The following MYO1E variants were observed in gnomAD, a reference collection of about 807,000 sequenced individuals.
MYO1E encodes the protein myosin IE.
MYO1E carries 68 observed loss-of-function variants against 151.1 expected under a neutral mutation model. The ratio of observed to expected loss-of-function variants is 0.45; its 90% CI spans 0.37 to 0.55. The LOEUF is 0.55. Ranked by LOEUF, MYO1E falls within the 20% of genes least tolerant of loss-of-function variation. MYO1E has a pLI of 0.00. For synonymous variants in MYO1E, 601 were observed against 501.7 expected (o/e 1.20, Z -2.64); for missense variants, 1,363 against 1,389.3 (o/e 0.98, Z 0.30).
intron 1 of MYO1E, among the ~76,000 whole-genome samples, chr15:59,359,417 A>T (rs1767835261): frequency 6.6e-6 from 1 of 151,002 alleles, no homozygotes; most frequent in South Asian, 2.1e-4. Flanking sequence ...TGAGCCTAGG[A>T]GGTTGAGGCT....
rs760743485 is a variant in MYO1E at position 59,223,048 on chromosome 15, G to A, written c.910+11C>T. 2 of 1,613,816 alleles carry A rather than the reference G, an allele frequency of 1.2e-6. No homozygotes were observed. The highest frequency in any genetic ancestry group is 1.7e-6 in the Non-Finnish European group (2 of 1,180,014). ...CCCCTCATTCAATGGCCACATGCCA[G>A]GGCTACGCACACTCTTCACTCTCCA... On this transcript the variant is annotated intron_variant, in intron 9 of 27. Transcript: ENST00000288235.
At chr15:59,237,960 C>G (rs1205410518) in intron 4 of MYO1E, among the ~76,000 whole-genome samples, 3 of 152,324 alleles carry the variant, frequency 2.0e-5, no homozygotes, top group African/African-American at 7.2e-5. Flanking sequence ...GAACCATCCT[C>G]TGTTCAGAGC....
chr15:59,180,074 C>G (rs1596354432), intron 18 of MYO1E, among the ~76,000 whole-genome samples: 1 of 152,320 alleles, frequency 6.6e-6, no homozygotes, highest in Admixed American at 6.5e-5. Flanking sequence ...ATTTTAGGAG[C>G]CTTCTCTGCT....
intron 18 of MYO1E, among the ~76,000 whole-genome samples, chr15:59,185,759 T>A (rs763361430): frequency 6.6e-6 from 1 of 152,144 alleles, no homozygotes; most frequent in African/African-American, 2.4e-5. Context: ...AAGCCAAAGT[T>A]CCTCAACTGA....
At position 59,359,331 on chromosome 15, in the gene MYO1E, T is replaced by A. The variant is rs1372657338; in HGVS notation, c.3+13167A>T. 6.2e-3 allele frequency among the ~76,000 whole-genome samples: 915 copies of A among 147,184 alleles called. 13 individuals are homozygous for A. Among genetic ancestry groups the A allele is most frequent in the African/African-American group, 0.021 (846 of 40,336 alleles). ...TATATATAATATATATATATATTTT[T>A]TTTTTTAATTAGCTAGGCATGGCAG... On this transcript the variant is annotated intron_variant, in intron 1 of 27. Coordinates refer to ENST00000288235, the MANE Select transcript of MYO1E (RefSeq NM_004998.4).
At chr15:59,176,437 G>C (rs1401030193) in intron 19 of MYO1E, among the ~76,000 whole-genome samples, 1 of 137,350 alleles carries the variant, frequency 7.3e-6, no homozygotes, top group African/African-American at 2.7e-5. Context: ...CACATGGTAG[G>C]TTTTCTTTTT....
chr15:59,286,962 C>T (rs1596401379), intron 1 of MYO1E, among the ~76,000 whole-genome samples: 2 of 152,148 alleles, frequency 1.3e-5, no homozygotes, highest in African/African-American at 4.8e-5. Flanking sequence ...GCCACAAGAG[C>T]AGCCACTAAT....
At chr15:59,334,792 A>G (rs1596424714) in intron 1 of MYO1E, among the ~76,000 whole-genome samples, 2 of 152,234 alleles carry the variant, frequency 1.3e-5, no homozygotes, top group East Asian at 3.8e-4. Context: ...CAAAAACAGA[A>G]GGAAATCAGA....
rs1245627753 is a variant in MYO1E at position 59,344,122 on chromosome 15, A to G, written c.3+28376T>C. Among the ~76,000 whole-genome samples, 5 of 152,194 alleles carry G rather than the reference A, an allele frequency of 3.3e-5. 1 individual carries two copies. The highest frequency in any genetic ancestry group is 5.9e-5 in the Non-Finnish European group (4 of 68,038). On this transcript the variant is annotated intron_variant, in intron 1 of 27. Transcript: ENST00000288235. Reference sequence around the variant, plus strand: ...TTAAGAATTTATTGTAGGCTTCACAATCTGGAGTTGTTTGTACCCATCCTT... The same window carrying G: ...TTAAGAATTTATTGTAGGCTTCACAGTCTGGAGTTGTTTGTACCCATCCTT...
chr15:59,243,752 A>C lies in MYO1E; in HGVS notation c.333-7080T>G, dbSNP rs183538361. Among the ~76,000 whole-genome samples the C allele has an allele frequency of 1.2e-4, 18 of 152,268 alleles. No individual in the cohort carries two copies. The East Asian group carries it at 2.7e-3, about 23-fold the overall frequency. On this transcript the variant is annotated intron_variant, in intron 4 of 27. Coordinates refer to ENST00000288235, the MANE Select transcript of MYO1E (RefSeq NM_004998.4). ...AGCAAGCCTTCTGCCAACAACATTTATTACCTCACGCAGAGTTGGAACTAA... is the reference window on the plus strand; with the variant it reads ...AGCAAGCCTTCTGCCAACAACATTTCTTACCTCACGCAGAGTTGGAACTAA...
rs1177286563 is a variant in MYO1E at position 59,136,511 on chromosome 15, G to A, written c.*869C>T. ...GGAAAAAAGCAGAGCACATCTTTAA[G>A]TACCTGGTGTGAGTTTTGTAAGAAA... On this transcript the variant is annotated 3_prime_UTR_variant, in exon 28 of 28. Coordinates refer to ENST00000288235, the MANE Select transcript of MYO1E (RefSeq NM_004998.4). 3.1e-6 allele frequency: 1 copy of A among 317,506 alleles called. No individual in the cohort carries two copies. The allele number at this position is 317,506 out of a possible 1,614,324, so 19.7% of individuals were successfully genotyped here.
chr15:59,363,984 G>T (rs1241004771), intron 1 of MYO1E, among the ~76,000 whole-genome samples: 1 of 151,994 alleles, frequency 6.6e-6, no homozygotes, highest in Non-Finnish European at 1.5e-5. Flanking sequence ...TGACATGTTG[G>T]CCAGGCTGGT....
intron 4 of MYO1E, among the ~76,000 whole-genome samples, chr15:59,249,161 C>T (rs1033004846): frequency 6.6e-6 from 1 of 152,150 alleles, no homozygotes; most frequent in African/African-American, 2.4e-5. Flanking sequence ...CGGTGGCTCA[C>T]GCCTGTAATC....
At chr15:59,251,294 A>C (rs1381712742) in intron 4 of MYO1E, among the ~76,000 whole-genome samples, 1 of 152,218 alleles carries the variant, frequency 6.6e-6, no homozygotes, top group Non-Finnish European at 1.5e-5. Flanking sequence ...TGAAGGAATA[A>C]GTATAGTGAG....
At chr15:59,305,777 C>A (rs1306666956) in intron 1 of MYO1E, among the ~76,000 whole-genome samples, 1 of 152,184 alleles carries the variant, frequency 6.6e-6, no homozygotes, top group Non-Finnish European at 1.5e-5. Flanking sequence ...ATAAAAAATT[C>A]ATTCCCAGCC....
At chr15:59,343,297 C>CT (rs111977576) in intron 1 of MYO1E, among the ~76,000 whole-genome samples, 501 of 142,714 alleles carry the variant, frequency 3.5e-3, no homozygotes, top group Middle Eastern at 0.011. Context: ...AGAGTGAACT[C>CT]TTTTTTTTTT....
intron 1 of MYO1E, among the ~76,000 whole-genome samples, chr15:59,362,860 T>C (rs1009513107): frequency 6.6e-6 from 1 of 152,262 alleles, no homozygotes; most frequent in African/African-American, 2.4e-5. Flanking sequence ...ATTTTGTTGT[T>C]GTATTCTGTA....
At chr15:59,240,385 T>TGG (rs34648322) in intron 4 of MYO1E, among the ~76,000 whole-genome samples, 19 of 151,918 alleles carry the variant, frequency 1.3e-4, no homozygotes, top group East Asian at 3.9e-4. Flanking sequence ...TGTCTGTGTG[T>TGG]GGGGGGGGTC....
At chr15:59,325,203 T>C (rs1015410828) in intron 1 of MYO1E, among the ~76,000 whole-genome samples, 4 of 152,046 alleles carry the variant, frequency 2.6e-5, no homozygotes, top group African/African-American at 4.8e-5. Flanking sequence ...GCCCAGCTAA[T>C]TGTTGTATTT....
Sources: gnomAD v4.1 joint callset for allele counts (sites outside exome capture counted in the v4.1 genomes callset) on GRCh38, gnomAD v4.1.1 for gene constraint, MANE v1.5 for transcripts, NCBI Gene and HGNC (gene_info 2026-07-23, HGNC 2026-07-21) for gene names.